Variants in ATP7B observed in about 807,000 individuals in gnomAD.
The protein encoded by ATP7B is ATPase copper transporting beta.
Under a neutral mutation model 118.9 loss-of-function variants are expected in ATP7B, and 113 were observed. The ratio of observed to expected loss-of-function variants is 0.95; its 90% CI spans 0.82 to 1.11. ATP7B has a LOEUF of 1.11. Among genes scored for constraint, ATP7B ranks in the 50% most tolerant of loss-of-function variants. The probability of loss-of-function intolerance (pLI) is 0.00; values close to 1 mark genes in which losing one functional copy is unlikely to be tolerated. For synonymous variants in ATP7B, 777 were observed against 727.4 expected, an observed-to-expected ratio of 1.07 and a Z score of -1.10; for missense variants, 1,867 against 1,871.4, an observed-to-expected ratio of 1.00 and a Z score of 0.04.
At chr13:52,010,260 T>C in intron 1 of ATP7B, among the ~76,000 whole-genome samples, 1 of 152,182 alleles carries the variant, frequency 6.6e-6, no homozygotes, top group East Asian at 1.9e-4. Flanking sequence ...CATTTCTGTA[T>C]CACCGGAGCC....
intron 1 of ATP7B, among the ~76,000 whole-genome samples, chr13:52,006,346 A>T (rs565483085): frequency 1.3e-5 from 2 of 152,288 alleles, no homozygotes; most frequent in South Asian, 4.1e-4. Context: ...CATCTCTGTC[A>T]CTTGCTTAGT....
chr13:51,941,203 G>C lies in ATP7B; in HGVS notation c.3434C>G (p.Ser1145Cys), dbSNP rs754759064. 21 of 1,614,040 alleles carry C rather than the reference G, an allele frequency of 1.3e-5. No homozygotes were observed. In the South Asian group the frequency reaches 2.2e-4, roughly 17 times the overall value. The change falls in exon 16 of 21, where the codon TCT (serine) becomes TGT (cysteine). Residue 1145 changes from serine to cysteine, a missense_variant. By Grantham distance (112) the Ser-to-Cys change is moderately radical. Coordinates refer to ENST00000242839, the MANE Select transcript of ATP7B (RefSeq NM_000053.4). The stretch of plus-strand genomic sequence containing the variant: ...CCACTCACGGTTTCCAATCAGCACA[G>C]AGAAGGTCTGGGGGACTGCATCTAT... ...AEKDAVPQTF[S>C]VLIGNREWLR...
chr13:52,011,455 T>TCGGCGCGGCG (rs148013251), upstream of ATP7B: 3 of 1,222,778 alleles, frequency 2.5e-6, no homozygotes, highest in Non-Finnish European at 3.5e-6. Flanking sequence ...TGTGAGGGCA[T>TCGGCGCGGCG]CGGCGCGGCT....
chr13:51,991,635 C>T (rs1952919537), intron 1 of ATP7B, among the ~76,000 whole-genome samples: 1 of 152,138 alleles, frequency 6.6e-6, no homozygotes, highest in Non-Finnish European at 1.5e-5. Context: ...TAGTAACCTC[C>T]AACCATTTCC....
chr13:51,964,710 A>G (rs768990389), intron 5 of ATP7B, 162 bp downstream of exon 5: 3 of 758,240 alleles, frequency 4.0e-6, no homozygotes, highest in Non-Finnish European at 4.2e-6. Context: ...TTATTTACTT[A>G]CCTGCAGTTT....
Position 51,974,673 on chromosome 13 carries a change from C to A in ATP7B, c.547G>T (p.Ala183Ser). Residue 183 changes from alanine to serine, a missense_variant, in exon 2 of 21, where the codon GCC becomes TCC. Transcript: ENST00000242839. ...AGATAAGGCTGATAAGTGATGACGG[C>A]CTCTTGGTTGCTGAGTGAGACTTTG... ...RVKVSLSNQEAVITYQPYLIQ... is the reference protein window; with the variant it reads ...RVKVSLSNQESVITYQPYLIQ... 6.2e-7 allele frequency: 1 copy of A among 1,611,082 alleles called. No individual in the cohort carries two copies. Among genetic ancestry groups the A allele is most frequent in the Non-Finnish European group, 8.5e-7 (1 of 1,177,584 alleles).
intron 13 of ATP7B, among the ~76,000 whole-genome samples, chr13:51,945,491 T>C (rs1450002076): frequency 1.3e-5 from 2 of 152,146 alleles, no homozygotes; most frequent in African/African-American, 4.8e-5. Context: ...CAGCTCTCAC[T>C]CAACAGTAAG....
rs786204584 is a variant in ATP7B at position 51,942,556 on chromosome 13, T to C, written c.3244-2A>G. The stretch of plus-strand genomic sequence containing the variant: ...TCCCAAGGTCTCTGTTCCAAGTTCC[T>C]GGGAAGGTGGAAAGAGAGGAAGAGG... On this transcript the variant is annotated splice_acceptor_variant, in intron 14 of 20. Coordinates refer to ENST00000242839, the MANE Select transcript of ATP7B (RefSeq NM_000053.4). LOFTEE classifies it high-confidence loss of function. 4 of 1,613,636 alleles carry C rather than the reference T, an allele frequency of 2.5e-6. No homozygotes were observed. The highest frequency in any genetic ancestry group is 3.4e-6 in the Non-Finnish European group (4 of 1,179,916).
chr13:51,934,912 G>A lies in ATP7B; in HGVS notation c.4242C>T (p.Pro1414=), dbSNP rs770290708. 8 of 1,614,134 alleles carry A rather than the reference G, an allele frequency of 5.0e-6. No individual in the cohort carries two copies. The South Asian group carries it at 5.5e-5, about 11-fold the overall frequency. ...IGMDDRWRDS[P]RATPWDQVSY... is the part of the protein sequence containing the mutation. ...TGACCTGGTCCCATGGTGTGGCCCT[G>A]GGGGAGTCCCGCCACCTGTCATCCA... The change falls in exon 21 of 21, where the codon CCC becomes CCT. Residue 1414 remains proline, a synonymous_variant. Transcript: ENST00000242839.
chr13:52,011,691 TCTCTGCCGTGCCAGTGCCACAATGTC>T (rs1282616233), upstream of ATP7B, among the ~76,000 whole-genome samples: 9 of 152,328 alleles, frequency 5.9e-5, no homozygotes, highest in South Asian at 2.1e-4. Context: ...GCCACAGTGT[TCTCTGCCGTGCCAGTGCCACAATGTC>T]CTCTGCCGTG....
chr13:51,968,786 C>T (rs184877051), intron 3 of ATP7B, among the ~76,000 whole-genome samples, 179 bp from the exon 4 acceptor site: 15 of 152,184 alleles, frequency 9.9e-5, no homozygotes, highest in Non-Finnish European at 1.9e-4. Flanking sequence ...TCGACAATCA[C>T]GATGTCTGGT....
intron 1 of ATP7B, among the ~76,000 whole-genome samples, chr13:52,001,299 C>T (rs1566665987): frequency 6.6e-6 from 1 of 152,178 alleles, no homozygotes; most frequent in East Asian, 1.9e-4. Flanking sequence ...GAGGAAGTCA[C>T]AAGATGTCAT....
At chr13:51,979,858 C>T (rs1159399501) in intron 1 of ATP7B, among the ~76,000 whole-genome samples, 1 of 152,188 alleles carries the variant, frequency 6.6e-6, no homozygotes, top group Non-Finnish European at 1.5e-5. Flanking sequence ...AAAGCAATTT[C>T]TTATTATCAA....
intron 13 of ATP7B, among the ~76,000 whole-genome samples, chr13:51,944,717 C>A (rs559505643): frequency 3.3e-4 from 50 of 152,320 alleles, no homozygotes; most frequent in African/African-American, 1.2e-3. Context: ...GCAAAAGCTA[C>A]TGGGAATAGA....
intron 4 of ATP7B, chr13:51,966,695 A>G: frequency 6.7e-7 from 1 of 1,483,358 alleles, no homozygotes; most frequent in Non-Finnish European, 9.2e-7. Flanking sequence ...GCATGCTGCC[A>G]TGCCGACGTA....
chr13:51,967,400 T>G (rs904743491), intron 4 of ATP7B, among the ~76,000 whole-genome samples: 1 of 152,220 alleles, frequency 6.6e-6, no homozygotes, highest in Non-Finnish European at 1.5e-5. Context: ...AATGTACACC[T>G]TTTCCAATAA....
At chr13:51,942,846 C>G (rs1258504907) in intron 14 of ATP7B, among the ~76,000 whole-genome samples, 1 of 152,138 alleles carries the variant, frequency 6.6e-6, no homozygotes, top group Non-Finnish European at 1.5e-5. Context: ...TGACAGTGAA[C>G]AGGTTACCGA....
intron 12 of ATP7B, among the ~76,000 whole-genome samples, chr13:51,947,630 T>C (rs938737760): frequency 6.6e-6 from 1 of 152,218 alleles, no homozygotes. Context: ...AAGGGGTCTT[T>C]TAATTTTCAT....
At chr13:51,950,447 CG>C (rs1242148206) in intron 9 of ATP7B, 48 bp from the exon 10 acceptor site, 1 of 1,611,474 alleles carries the variant, frequency 6.2e-7, no homozygotes, top group Non-Finnish European at 8.5e-7. Context: ...ATTCGGTCAC[CG>C]GGTCAGGTTC....
Sources: gnomAD v4.1 joint callset for allele counts (sites outside exome capture counted in the v4.1 genomes callset) on GRCh38, gnomAD v4.1.1 for gene constraint, MANE v1.5 for transcripts, NCBI Gene and HGNC (gene_info 2026-07-23, HGNC 2026-07-21) for gene names.